SMIM19: variants seen among roughly 807,000 people sequenced by gnomAD.
SMIM19 encodes small integral membrane protein 19.
Under a neutral mutation model 13.2 loss-of-function variants are expected in SMIM19, and 6 were observed. The ratio of observed to expected loss-of-function variants is 0.45; its 90% CI spans 0.25 to 0.90. The LOEUF (loss-of-function observed/expected upper bound fraction) is 0.90. Ranked by LOEUF, SMIM19 falls within the 40% of genes least tolerant of loss-of-function variation. The pLI is 0.19. For missense variants in SMIM19, 138 were observed against 131.0 expected (o/e 1.05, Z -0.26); for synonymous variants, 46 against 43.1 (o/e 1.07, Z -0.27).
intron 3 of SMIM19, among the ~76,000 whole-genome samples, chr8:42,551,079 G>A (rs1455574926): frequency 6.6e-6 from 1 of 152,142 alleles, no homozygotes; most frequent in Non-Finnish European, 1.5e-5. Context: ...AGCGCTTTGG[G>A]AGGCCGAGGC....
At chr8:42,550,105 TAAAAA>T (rs981972952) in intron 3 of SMIM19, among the ~76,000 whole-genome samples, 5 of 150,130 alleles carry the variant, frequency 3.3e-5, no homozygotes, top group Admixed American at 6.6e-5. Context: ...TTAAAAAAAA[TAAAAA>T]AAAGTACAGA....
At chr8:42,544,815 C>T (rs1284805575) in intron 1 of SMIM19, among the ~76,000 whole-genome samples, 1 of 152,164 alleles carries the variant, frequency 6.6e-6, no homozygotes, top group Non-Finnish European at 1.5e-5. Flanking sequence ...TTTCATTTTT[C>T]TCATATAGAG....
chr8:42,546,746 A>G (rs1373495478), intron 2 of SMIM19, 140 bp downstream of exon 2: 14 of 1,019,350 alleles, frequency 1.4e-5, no homozygotes, highest in Non-Finnish European at 1.9e-5. Context: ...GCACTTTGGG[A>G]GGCCGAGGTG....
rs1230664528 is a variant in SMIM19, at chr8:42,541,825, C to T, written c.-553C>T. On this transcript the variant is annotated 5_prime_UTR_variant, in exon 1 of 4. Coordinates refer to ENST00000417410, the MANE Select transcript of SMIM19 (RefSeq NM_001135674.2). ...GTAAGGGGGGTGGCCGCCCGCCTGC[C>T]CTCGGTCCCGTGCGGTCCCCGAAAC... 1 of 151,534 alleles carries T rather than the reference C, an allele frequency of 6.6e-6. No individual in the cohort carries two copies. Among genetic ancestry groups the T allele is most frequent in the Non-Finnish European group, 1.5e-5 (1 of 67,854 alleles). The allele number at this position is 151,534 out of a possible 1,614,324, so 9.4% of individuals were successfully genotyped here. A position where few individuals can be genotyped will look rare whatever the true frequency, so the allele number is the denominator to read the frequency against.
In SMIM19 at chr8:42,550,061, A is replaced by G. The variant is rs1441891054; in HGVS notation, c.259+1281A>G. Among the ~76,000 whole-genome samples the G allele has an allele frequency of 2.0e-5, 3 of 151,934 alleles. No individual in the cohort carries two copies. The East Asian group carries it at 5.8e-4, about 29-fold the overall frequency. ...CAGTGAGCAGAGATCACACCATTAC[A>G]CTCCAGCCTGGGGGACAAGAGTGAA... On this transcript the variant is annotated intron_variant, in intron 3 of 3. Coordinates refer to ENST00000417410, the MANE Select transcript of SMIM19 (RefSeq NM_001135674.2).
At position 42,546,461 on chromosome 8, in the gene SMIM19, T is replaced by C. The variant is rs1308017052; in HGVS notation, c.-4-8T>C. 1 of 1,592,846 alleles carries C rather than the reference T, an allele frequency of 6.3e-7. No individual in the cohort carries two copies. Among genetic ancestry groups the C allele is most frequent in the Admixed American group, 1.9e-5 (1 of 52,802 alleles). ...AAAAGAAACCCTGCTTTCTTTTCTC[T>C]CTTACAGCCCCATGGCTGGGGGTTA... is the stretch of plus-strand genomic sequence containing the variant. On this transcript the variant is annotated splice_region_variant and splice_polypyrimidine_tract_variant and intron_variant, in intron 1 of 3. Coordinates refer to ENST00000417410, the MANE Select transcript of SMIM19 (RefSeq NM_001135674.2).
At chr8:42,550,174 C>T (rs541375204) in intron 3 of SMIM19, among the ~76,000 whole-genome samples, 14 of 152,178 alleles carry the variant, frequency 9.2e-5, no homozygotes, top group African/African-American at 2.6e-4. Flanking sequence ...TTTATTGACA[C>T]GTACACAAAA....
chr8:42,543,712 C>T (rs1813369934), intron 1 of SMIM19, among the ~76,000 whole-genome samples: 1 of 152,150 alleles, frequency 6.6e-6, no homozygotes, highest in Non-Finnish European at 1.5e-5. Flanking sequence ...TCCATTTTGT[C>T]ATTAGAAAAT....
At chr8:42,550,562 A>T (rs1813641219) in intron 3 of SMIM19, among the ~76,000 whole-genome samples, 2 of 152,140 alleles carry the variant, frequency 1.3e-5, no homozygotes, top group African/African-American at 2.4e-5. Flanking sequence ...GGAGCATTGC[A>T]TCTTTCTGAC....
rs907388952 is a variant in SMIM19 at position 42,554,123 on chromosome 8, G to A, written c.*1515G>A. On this transcript the variant is annotated 3_prime_UTR_variant, in exon 4 of 4. Transcript: ENST00000417410. ...GGAAATTGCATTTACTTTTAAAAAT[G>A]TGTTGTTCAAAAATGTATATATAGT... The A allele has an allele frequency of 3.9e-5, 6 of 152,148 alleles. No homozygotes were observed. The highest frequency in any genetic ancestry group is 9.7e-5 in the African/African-American group (4 of 41,424). The allele number at this position is 152,148 out of a possible 1,614,324, so 9.4% of individuals were successfully genotyped here. A position where few individuals can be genotyped will look rare whatever the true frequency, so the allele number is the denominator to read the frequency against.
Position 42,542,034 on chromosome 8 carries a change from C to T in SMIM19, c.-344C>T, listed in dbSNP as rs1033627842. ...CGGGCGGCGGAAACGTCCCTAGAGC[C>T]TCGCCGCCCTGGGACCCGGGCTGCT... On this transcript the variant is annotated 5_prime_UTR_variant, in exon 1 of 4. Transcript: ENST00000417410. The T allele has an allele frequency of 1.3e-5, 2 of 152,252 alleles. No homozygotes were observed. The highest frequency in any genetic ancestry group is 2.9e-5 in the Non-Finnish European group (2 of 68,070). 9.4% of individuals were successfully genotyped at this position (152,252 alleles called of 1,614,324 possible).
intron 3 of SMIM19, 87 bp downstream of exon 3, chr8:42,548,867 G>T: frequency 7.4e-7 from 1 of 1,352,198 alleles, no homozygotes. Flanking sequence ...AATGTTATTA[G>T]AAATCGTAAG....
chr8:42,550,806 CAT>C (rs748088825), intron 3 of SMIM19, among the ~76,000 whole-genome samples: 25 of 152,208 alleles, frequency 1.6e-4, no homozygotes, highest in East Asian at 5.8e-4. Flanking sequence ...GCAGTGAGCA[CAT>C]GTGTGGATTT....
At chr8:42,548,441 G>T in intron 2 of SMIM19, 1 of 596,600 alleles carries the variant, frequency 1.7e-6, no homozygotes, top group Non-Finnish European at 3.1e-6. Flanking sequence ...GTGTTAAATG[G>T]ATGTGTTCAG....
intron 3 of SMIM19, 46 bp downstream of exon 3, chr8:42,548,826 T>A (rs1224703066): frequency 6.5e-7 from 1 of 1,545,156 alleles, no homozygotes; most frequent in South Asian, 1.2e-5. Context: ...ACATTTAAAA[T>A]AGATTTTCTG....
intron 1 of SMIM19, among the ~76,000 whole-genome samples, chr8:42,544,684 G>A (rs1203077559): frequency 1.3e-5 from 2 of 152,168 alleles, no homozygotes; most frequent in East Asian, 3.8e-4. Context: ...AAGTTAAATG[G>A]CTGTTCATGA....
At chr8:42,544,982 G>GA (rs1050351188) in intron 1 of SMIM19, among the ~76,000 whole-genome samples, 2 of 152,246 alleles carry the variant, frequency 1.3e-5, no homozygotes, top group Non-Finnish European at 1.5e-5. Context: ...AGGCAGCGTA[G>GA]AAAAAAATCA....
At position 42,546,496 on chromosome 8, in the gene SMIM19, G is replaced by A; in HGVS notation, c.24G>A (p.Met8Ile). The change falls in exon 2 of 4, where the codon ATG becomes ATA. Residue 8 changes from methionine to isoleucine, a missense_variant. Transcript: ENST00000417410. The part of the protein sequence containing the change: MAGGYGV[M>I]GDDGSIDYTV... ...CCATGGCTGGGGGTTATGGAGTGATGGGTGACGATGGTTCTATTGATTATA... is the reference window on the plus strand; with the variant it reads ...CCATGGCTGGGGGTTATGGAGTGATAGGTGACGATGGTTCTATTGATTATA... 1 of 1,613,180 alleles carries A rather than the reference G, an allele frequency of 6.2e-7. No individual in the cohort carries two copies. Among genetic ancestry groups the A allele is most frequent in the Non-Finnish European group, 8.5e-7 (1 of 1,179,794 alleles).
Position 42,554,901 on chromosome 8 carries a change from C to G in SMIM19, c.*2293C>G, listed in dbSNP as rs766280303. 3 of 152,224 alleles carry G rather than the reference C, an allele frequency of 2.0e-5. No individual in the cohort carries two copies. Among genetic ancestry groups the G allele is most frequent in the Non-Finnish European group, 4.4e-5 (3 of 68,044 alleles). 9.4% of individuals were successfully genotyped at this position (152,224 alleles called of 1,614,324 possible). ...CTGGTCAGCCTGCCCTGGTGCACAG[C>G]TTGAGTGTGTTAAATAACTGGCTGT... On this transcript the variant is annotated 3_prime_UTR_variant, in exon 4 of 4. Coordinates refer to ENST00000417410, the MANE Select transcript of SMIM19 (RefSeq NM_001135674.2).
Sources: gnomAD v4.1 joint callset for allele counts (sites outside exome capture counted in the v4.1 genomes callset) on GRCh38, gnomAD v4.1.1 for gene constraint, MANE v1.5 for transcripts, NCBI Gene and HGNC (gene_info 2026-07-23, HGNC 2026-07-21) for gene names.